The following LRRC75A variants were observed in gnomAD, a reference collection of about 807,000 sequenced individuals.
LRRC75A encodes the protein leucine rich repeat containing 75A, also known as leucine-rich repeat-containing protein 75A.
A neutral mutation model predicts 26.0 loss-of-function variants in LRRC75A; 12 were observed. The ratio of observed to expected loss-of-function variants is 0.46; its 90% CI spans 0.30 to 0.75. The LOEUF is 0.75. Among genes scored for constraint, LRRC75A ranks in the 30% least tolerant of loss-of-function variants. The pLI, the probability that LRRC75A is intolerant of heterozygous loss-of-function variation, is 0.08. For synonymous variants in LRRC75A, 223 were observed against 219.3 expected (o/e 1.02, Z -0.15); for missense variants, 410 against 486.6 (o/e 0.84, Z 1.48).
At chr17:16,476,801 C>G (rs1485216376) in intron 1 of LRRC75A, among the ~76,000 whole-genome samples, 2 of 137,340 alleles carry the variant, frequency 1.5e-5, no homozygotes, top group Non-Finnish European at 3.0e-5. Context: ...TGCAGTAGCA[C>G]AATCTCGGCT....
At chr17:16,490,772 C>T (rs184395644) in intron 1 of LRRC75A, among the ~76,000 whole-genome samples, 454 of 152,296 alleles carry the variant, frequency 3.0e-3, no homozygotes, top group Middle Eastern at 0.017. Flanking sequence ...TAGACTCCAC[C>T]TCTAATGGGG....
intron 1 of LRRC75A, chr17:16,463,768 A>G (rs2143181460): frequency 6.6e-6 from 1 of 152,394 alleles, no homozygotes; most frequent in East Asian, 1.9e-4. Context: ...TTCTCTACAG[A>G]TGGAGACACC....
intron 1 of LRRC75A, among the ~76,000 whole-genome samples, chr17:16,483,565 C>T (rs2093839513): frequency 6.6e-6 from 1 of 152,244 alleles, no homozygotes; most frequent in Non-Finnish European, 1.5e-5. Flanking sequence ...TCCAAAACCA[C>T]AGGCACCTGG....
At chr17:16,477,508 G>A (rs746811866) in intron 1 of LRRC75A, among the ~76,000 whole-genome samples, 1 of 152,340 alleles carries the variant, frequency 6.6e-6, no homozygotes, top group South Asian at 2.1e-4. Flanking sequence ...GAGGAGGGCC[G>A]TAGGATCCAC....
intron 1 of LRRC75A, among the ~76,000 whole-genome samples, chr17:16,475,647 A>T (rs2093817866): frequency 6.6e-6 from 1 of 151,734 alleles, no homozygotes; most frequent in Admixed American, 6.6e-5. Flanking sequence ...GAACTTCTGT[A>T]CTCCTGTAGT....
At chr17:16,453,960 A>G in intron 2 of LRRC75A, among the ~76,000 whole-genome samples, 1 of 152,192 alleles carries the variant, frequency 6.6e-6, no homozygotes, top group East Asian at 1.9e-4. Flanking sequence ...GGTAGGAAGG[A>G]ACACTGCAGA....
At chr17:16,455,080 G>A (rs544667782) in intron 2 of LRRC75A, among the ~76,000 whole-genome samples, 21 of 150,102 alleles carry the variant, frequency 1.4e-4, no homozygotes, top group Non-Finnish European at 2.1e-4. Context: ...TTACAGGCGC[G>A]TGCCACCACG....
chr17:16,491,164 C>T lies in LRRC75A; in HGVS notation c.246+581G>A, dbSNP rs1250849936. ...CTGTCTCTACCGCTTTCCGCAGGGG[C>T]TCATGGTTGAGGATCTGCTGAAGTT... On this transcript the variant is annotated intron_variant, in intron 1 of 3. Transcript: ENST00000470794. The surrounding 1 kb of genome is among the most constrained non-coding windows in gnomAD (Gnocchi z 5.9). Among the ~76,000 whole-genome samples the T allele has an allele frequency of 6.6e-6, 1 of 152,248 alleles. No homozygotes were observed. Among genetic ancestry groups the T allele is most frequent in the South Asian group, 2.1e-4 (1 of 4,834 alleles).
At chr17:16,474,309 G>A (rs2093814555) in intron 1 of LRRC75A, among the ~76,000 whole-genome samples, 1 of 152,204 alleles carries the variant, frequency 6.6e-6, no homozygotes, top group Non-Finnish European at 1.5e-5. Flanking sequence ...CAGCAGAAGA[G>A]GGACTTGGAC....
intron 3 of LRRC75A, chr17:16,447,154 C>A: frequency 8.6e-6 from 2 of 233,672 alleles, no homozygotes; most frequent in South Asian, 7.7e-5. Context: ...TACTTCCAGG[C>A]TCCCCTCTAC....
intron 1 of LRRC75A, among the ~76,000 whole-genome samples, chr17:16,477,129 C>T (rs1344598426): frequency 2.0e-5 from 3 of 152,150 alleles, no homozygotes; most frequent in South Asian, 2.1e-4. Context: ...AAGTGATCTA[C>T]CCGCCTGGGC....
intron 1 of LRRC75A, among the ~76,000 whole-genome samples, chr17:16,483,588 A>G (rs1456011782): frequency 6.6e-6 from 1 of 152,258 alleles, no homozygotes; most frequent in Non-Finnish European, 1.5e-5. Context: ...GAATCTCAGC[A>G]GTGGTAGGGA....
intron 1 of LRRC75A, among the ~76,000 whole-genome samples, chr17:16,478,191 CTTTTTTTTTT>C (rs768032038): frequency 2.1e-5 from 3 of 140,092 alleles, no homozygotes; most frequent in Non-Finnish European, 4.7e-5. Flanking sequence ...CTTTTTTTTT[CTTTTTTTTTT>C]TTTTGAGATG....
Position 16,491,625 on chromosome 17 carries a change from G to A in LRRC75A, c.246+120C>T, listed in dbSNP as rs2093857407. 2 of 687,680 alleles carry A rather than the reference G, an allele frequency of 2.9e-6. No individual in the cohort carries two copies. Among genetic ancestry groups the A allele is most frequent in the Non-Finnish European group, 4.0e-6 (2 of 498,070 alleles). 42.6% of individuals were successfully genotyped at this position (687,680 alleles called of 1,614,324 possible). ...CAGACAGGGCTCCATCCCCGCGGAA[G>A]GGGCCCCTGGGCGGTGCCCCTCGGT... On this transcript the variant is annotated intron_variant, in intron 1 of 3. Coordinates refer to ENST00000470794, the MANE Select transcript of LRRC75A (RefSeq NM_001113567.3). This position sits in a 1 kb window ranked among gnomAD's most constrained non-coding sequence, Gnocchi z 5.9.
At chr17:16,482,204 G>A (rs1170941920) in intron 1 of LRRC75A, among the ~76,000 whole-genome samples, 1 of 152,172 alleles carries the variant, frequency 6.6e-6, no homozygotes, top group Non-Finnish European at 1.5e-5. Flanking sequence ...GGGTGGGATG[G>A]GGGGCATCAC....
chr17:16,454,899 A>G (rs2093664193), intron 2 of LRRC75A, among the ~76,000 whole-genome samples: 1 of 149,872 alleles, frequency 6.7e-6, no homozygotes, highest in Non-Finnish European at 1.5e-5. Context: ...GCTGGGGCTA[A>G]GGGTCCTCAT....
At chr17:16,476,940 G>C (rs367957425) in intron 1 of LRRC75A, among the ~76,000 whole-genome samples, 6 of 151,402 alleles carry the variant, frequency 4.0e-5, no homozygotes, top group Admixed American at 3.9e-4. Flanking sequence ...GGGTTTCACC[G>C]TGTTAGCCAG....
chr17:16,484,077 C>T (rs1169339616), intron 1 of LRRC75A, among the ~76,000 whole-genome samples: 1 of 152,156 alleles, frequency 6.6e-6, no homozygotes, highest in East Asian at 1.9e-4. Flanking sequence ...GTGGCTCACG[C>T]TTGTAATCCC....
At position 16,443,523 on chromosome 17, in the gene LRRC75A, C is replaced by T; in HGVS notation, c.*65G>A. On this transcript the variant is annotated 3_prime_UTR_variant, in exon 4 of 4. Transcript: ENST00000470794. ...TAACCCACCTGATAGGAGAAGCGCC[C>T]TCCCCTGCCTGCCTTGCCCATTCTA... 2 of 1,400,432 alleles carry T rather than the reference C, an allele frequency of 1.4e-6. No homozygotes were observed. Among genetic ancestry groups the T allele is most frequent in the Non-Finnish European group, 1.9e-6 (2 of 1,059,980 alleles). 86.8% of individuals were successfully genotyped at this position (1,400,432 alleles called of 1,614,324 possible). A position where few individuals can be genotyped will look rare whatever the true frequency, so the allele number is the denominator to read the frequency against.
Sources: gnomAD v4.1 joint callset for allele counts (sites outside exome capture counted in the v4.1 genomes callset) on GRCh38, gnomAD v4.1.1 for gene constraint, Gnocchi (gnomAD v3.1) non-coding constraint, MANE v1.5 for transcripts, NCBI Gene and HGNC (gene_info 2026-07-23, HGNC 2026-07-21) for gene names.